The following ZNF536 variants were observed in gnomAD, a reference collection of about 807,000 sequenced individuals.
The protein encoded by ZNF536 is zinc finger protein 536.
In ZNF536, 13 loss-of-function variants were observed where a neutral mutation model predicts 84.5. That is an observed-to-expected ratio of 0.15 (90% CI 0.10 to 0.24). The LOEUF (loss-of-function observed/expected upper bound fraction) is 0.24. Among genes scored for constraint, ZNF536 ranks in the 10% least tolerant of loss-of-function variants. ZNF536 has a pLI of 1.00. For synonymous variants in ZNF536, 811 were observed against 742.5 expected (o/e 1.09, Z -1.50); for missense variants, 1,536 against 1,747.5 (o/e 0.88, Z 2.16).
chr19:30,261,297 C>CAAA (rs66862950), intron 1 of ZNF536, among the ~76,000 whole-genome samples: 34 of 23,546 alleles, frequency 1.4e-3, no homozygotes, highest in South Asian at 4.5e-3. Flanking sequence ...GACTCCGTCT[C>CAAA]AAAAAAAAAA....
At chr19:30,683,952 T>C (rs2051073426) in intron 1 of ZNF536, among the ~76,000 whole-genome samples, 1 of 152,208 alleles carries the variant, frequency 6.6e-6, no homozygotes, top group African/African-American at 2.4e-5. Context: ...ATGCCTTTAG[T>C]ATTGCTTTTT....
intron 1 of ZNF536, among the ~76,000 whole-genome samples, chr19:30,596,313 T>A (rs941438357): frequency 1.3e-5 from 2 of 152,230 alleles, no homozygotes; most frequent in Non-Finnish European, 2.9e-5. Context: ...TTGTATTTTT[T>A]AATAAAAGAA....
At chr19:30,344,811 T>C (rs933372204) in intron 2 of ZNF536, among the ~76,000 whole-genome samples, 2 of 152,144 alleles carry the variant, frequency 1.3e-5, no homozygotes, top group African/African-American at 4.8e-5. Flanking sequence ...GAGAAGGGAC[T>C]CCCAAGGTCA....
At position 30,599,560 on chromosome 19, in the gene ZNF536, T is replaced by C. The variant is rs182763368; in HGVS notation, c.169+50046T>C. ...CTTGTCTATTCATTCGCATATCCAC[T>C]CAGCAAACCTTCTCCATTGAGCCTG... On this transcript the variant is annotated intron_variant, in intron 1 of 1. Coordinates refer to the ZNF536 transcript ENST00000592773. Among the ~76,000 whole-genome samples the C allele has an allele frequency of 4.4e-4, 66 of 150,320 alleles. No homozygotes were observed. The East Asian group carries it at 0.012, about 28-fold the overall frequency.
At chr19:30,623,101 C>T (rs2048550711) in intron 1 of ZNF536, among the ~76,000 whole-genome samples, 1 of 139,414 alleles carries the variant, frequency 7.2e-6, no homozygotes, top group Non-Finnish European at 1.5e-5. Context: ...ACCAGTGGAA[C>T]AATTGGTGTC....
intron 3 of ZNF536, among the ~76,000 whole-genome samples, chr19:30,545,613 G>T (rs2045520843): frequency 6.6e-6 from 1 of 151,814 alleles, no homozygotes; most frequent in African/African-American, 2.4e-5. Context: ...TAGCCAGGAT[G>T]GTCTCGATCT....
At chr19:30,287,243 G>C (rs545419463) in intron 2 of ZNF536, among the ~76,000 whole-genome samples, 4 of 144,364 alleles carry the variant, frequency 2.8e-5, no homozygotes, top group Non-Finnish European at 4.6e-5. Flanking sequence ...GGGTGGAGGG[G>C]TGGGTGGGTA....
intron 1 of ZNF536, among the ~76,000 whole-genome samples, chr19:30,231,923 G>C (rs1807792297): frequency 6.6e-6 from 1 of 152,180 alleles, no homozygotes; most frequent in South Asian, 2.1e-4. Flanking sequence ...GGATAGACTG[G>C]TGAGTTTGTA....
At chr19:30,373,380 T>C (rs2048686984) in intron 1 of ZNF536, among the ~76,000 whole-genome samples, 1 of 152,054 alleles carries the variant, frequency 6.6e-6, no homozygotes, top group African/African-American at 2.4e-5. Flanking sequence ...GTTCTTTTTT[T>C]TTTCCTAGAA....
chr19:30,644,680 T>G (rs902898744), intron 1 of ZNF536, among the ~76,000 whole-genome samples: 2 of 152,244 alleles, frequency 1.3e-5, no homozygotes, highest in African/African-American at 4.8e-5. Context: ...TCCATGTCCC[T>G]ACAAAAGACA....
intron 1 of ZNF536, among the ~76,000 whole-genome samples, chr19:30,590,389 T>A (rs1198684694): frequency 2.0e-5 from 3 of 152,164 alleles, no homozygotes; most frequent in South Asian, 4.1e-4. Flanking sequence ...GGCCCTGGTG[T>A]CTTGGGCAAA....
At chr19:30,434,825 G>A (rs911505037) in intron 1 of ZNF536, among the ~76,000 whole-genome samples, 1 of 152,100 alleles carries the variant, frequency 6.6e-6, no homozygotes, top group Admixed American at 6.6e-5. Context: ...TGGTGGTGAT[G>A]GTGGTGATGG....
chr19:30,693,465 C>T (rs1243345547), intron 1 of ZNF536, among the ~76,000 whole-genome samples: 1 of 152,082 alleles, frequency 6.6e-6, no homozygotes, highest in Non-Finnish European at 1.5e-5. Flanking sequence ...ATTCCTCAGC[C>T]ATATTCTGGA....
chr19:30,354,446 C>A (rs1422094674), intron 3 of ZNF536, among the ~76,000 whole-genome samples: 1 of 152,230 alleles, frequency 6.6e-6, no homozygotes, highest in Non-Finnish European at 1.5e-5. Context: ...TGGCTCACTG[C>A]AGCCTTGACC....
At chr19:30,415,991 A>G (rs2050715482) in intron 1 of ZNF536, among the ~76,000 whole-genome samples, 1 of 152,110 alleles carries the variant, frequency 6.6e-6, no homozygotes, top group African/African-American at 2.4e-5. Flanking sequence ...TTTGGATTGT[A>G]TCTGCATGTC....
At chr19:30,648,201 T>C (rs559853371) in intron 1 of ZNF536, among the ~76,000 whole-genome samples, 299 of 152,308 alleles carry the variant, frequency 2.0e-3, no homozygotes, top group African/African-American at 7.0e-3. Flanking sequence ...TGCTCTTAGC[T>C]GCAGGTGCCC....
intron 1 of ZNF536, among the ~76,000 whole-genome samples, chr19:30,639,669 C>T (rs1209604053): frequency 6.6e-6 from 1 of 152,190 alleles, no homozygotes; most frequent in Non-Finnish European, 1.5e-5. Flanking sequence ...TTCTTCTGCC[C>T]CTTTAGGGGT....
intron 2 of ZNF536, among the ~76,000 whole-genome samples, chr19:30,453,755 C>T (rs968913602): frequency 6.6e-6 from 1 of 152,226 alleles, no homozygotes; most frequent in Non-Finnish European, 1.5e-5. Flanking sequence ...CTGGGCAAAA[C>T]GGGGGCCATG....
At chr19:30,369,054 C>T (rs949079936), upstream of ZNF536, among the ~76,000 whole-genome samples, 6 of 152,204 alleles carry the variant, frequency 3.9e-5, no homozygotes, top group African/African-American at 1.4e-4. Context: ...TCGTCTCCCT[C>T]CAACTGTCCA....
Sources: allele counts gnomAD v4.1 joint callset (sites outside exome capture counted in the v4.1 genomes callset), GRCh38; gene constraint gnomAD v4.1.1; transcripts MANE v1.5; gene names NCBI Gene and HGNC (gene_info 2026-07-23, HGNC 2026-07-21).